TBX4: variants seen among roughly 807,000 people sequenced by gnomAD.
The protein encoded by TBX4 is T-box transcription factor 4, also known as T-box transcription factor TBX4.
TBX4 carries 13 observed loss-of-function variants against 54.6 expected under a neutral mutation model. The ratio of observed to expected loss-of-function variants is 0.24; its 90% CI spans 0.15 to 0.38. The LOEUF (loss-of-function observed/expected upper bound fraction) is 0.38. Ranked by LOEUF, TBX4 falls within the 10% of genes least tolerant of loss-of-function variation. The pLI is 1.00. For missense variants in TBX4, 631 were observed against 728.5 expected (o/e 0.87, Z 1.54); for synonymous variants, 314 against 306.7 (o/e 1.02, Z -0.25).
At position 61,484,855 on chromosome 17, in the gene TBX4, G is replaced by T. The variant is rs1056618022; in HGVS notation, c.*1339G>T. ...AATGAACTTAATAAAAATAAACGTT[G>T]GAGGGGGTATTTGGAAAGACATCTA... is the stretch of plus-strand genomic sequence containing the variant. On this transcript the variant is annotated 3_prime_UTR_variant, in exon 9 of 9. Coordinates refer to ENST00000644296, the MANE Select transcript of TBX4 (RefSeq NM_001321120.2). The surrounding 1 kb of genome is among the most constrained non-coding windows in gnomAD (Gnocchi z 4.1). 1 of 147,716 alleles carries T rather than the reference G, an allele frequency of 6.8e-6. No individual in the cohort carries two copies. Among genetic ancestry groups the T allele is most frequent in the Admixed American group, 6.8e-5 (1 of 14,758 alleles). 9.2% of individuals were successfully genotyped at this position (147,716 alleles called of 1,614,324 possible). A position where few individuals can be genotyped will look rare whatever the true frequency, so the allele number is the denominator to read the frequency against.
chr17:61,456,933 G>A (rs2060454958), intron 2 of TBX4, among the ~76,000 whole-genome samples: 1 of 152,200 alleles, frequency 6.6e-6, no homozygotes, highest in Admixed American at 6.5e-5. Flanking sequence ...AGGGCGGTAA[G>A]AGAGAGGGAG....
At chr17:61,469,057 GCATCTTTGGGTGGC>G in intron 5 of TBX4, among the ~76,000 whole-genome samples, 1 of 152,348 alleles carries the variant, frequency 6.6e-6, no homozygotes, top group South Asian at 2.1e-4. Context: ...GTGGGGAGCT[GCATCTTTGGGTGGC>G]CATTTGTCCC....
Position 61,456,586 on chromosome 17 carries a change from C to T in TBX4, c.96C>T (p.Pro32=). The change falls in exon 2 of 9, where the codon CCC becomes CCT. Residue 32 remains proline, a synonymous_variant. Transcript: ENST00000644296. Reference sequence around the variant, plus strand: ...CCAGCGCAGCCAACGCCCCCGAGCCCGCGCTGGCAGCGCCGGGCCTCAGCG... The same window carrying T: ...CCAGCGCAGCCAACGCCCCCGAGCCTGCGCTGGCAGCGCCGGGCCTCAGCG... ...GEASAANAPE[P]ALAAPGLSGA... The T allele has an allele frequency of 6.5e-7, 1 of 1,532,614 alleles. No individual in the cohort carries two copies. The highest frequency in any genetic ancestry group is 8.8e-7 in the Non-Finnish European group (1 of 1,138,842). 94.9% of individuals were successfully genotyped at this position (1,532,614 alleles called of 1,614,324 possible).
chr17:61,471,037 G>T (rs1428070735), intron 5 of TBX4, among the ~76,000 whole-genome samples: 2 of 152,216 alleles, frequency 1.3e-5, no homozygotes, highest in African/African-American at 2.4e-5. Flanking sequence ...GATTTCTGAC[G>T]CAGTGAGTCC....
chr17:61,466,409 A>G (rs2060538003), intron 4 of TBX4, among the ~76,000 whole-genome samples: 1 of 152,208 alleles, frequency 6.6e-6, no homozygotes. Flanking sequence ...CCCTCCAGCC[A>G]TCCAGACGAA....
At position 61,461,934 on chromosome 17, in the gene TBX4, G is replaced by A. The variant is rs2060496899; in HGVS notation, c.282-3885G>A. ...ACCCTCCAGGTGGAGAGAATCTAGGGGTATCCCCTAGTCTCTGTCCCTTTC... is the reference window on the plus strand; with the variant it reads ...ACCCTCCAGGTGGAGAGAATCTAGGAGTATCCCCTAGTCTCTGTCCCTTTC... On this transcript the variant is annotated intron_variant, in intron 3 of 8. Coordinates refer to ENST00000644296, the MANE Select transcript of TBX4 (RefSeq NM_001321120.2). The surrounding 1 kb of genome is among the most constrained non-coding windows in gnomAD (Gnocchi z 5.1). Among the ~76,000 whole-genome samples, 1 of 151,982 alleles carries A rather than the reference G, an allele frequency of 6.6e-6. No homozygotes were observed. The highest frequency in any genetic ancestry group is 2.4e-5 in the African/African-American group (1 of 41,376).
chr17:61,471,120 G>A (rs1338724486), intron 5 of TBX4, among the ~76,000 whole-genome samples: 1 of 152,208 alleles, frequency 6.6e-6, no homozygotes, highest in Non-Finnish European at 1.5e-5. Context: ...AAAGTAGCAC[G>A]CATTAGTCCC....
chr17:61,453,395 T>C (rs1569030099), intron 1 of TBX4, among the ~76,000 whole-genome samples: 1 of 152,264 alleles, frequency 6.6e-6, no homozygotes, highest in East Asian at 1.9e-4. Flanking sequence ...ATACTATTAG[T>C]GGTAGTGATA....
intron 2 of TBX4, 53 bp downstream of exon 2, chr17:61,456,729 G>A: frequency 1.5e-6 from 2 of 1,297,180 alleles, no homozygotes; most frequent in South Asian, 1.9e-5. Context: ...TGTCTGCGGG[G>A]CCGCCTGTGT....
Position 61,483,715 on chromosome 17 carries a change from C to A in TBX4, c.*199C>A. 1 of 702,244 alleles carries A rather than the reference C, an allele frequency of 1.4e-6. No homozygotes were observed. The highest frequency in any genetic ancestry group is 2.3e-6 in the Non-Finnish European group (1 of 430,136). The allele number at this position is 702,244 out of a possible 1,614,324, so 43.5% of individuals were successfully genotyped here. A position where few individuals can be genotyped will look rare whatever the true frequency, so the allele number is the denominator to read the frequency against. ...TTCTGACATACAACTGAGGTCATGA[C>A]AAGGAAAAAAAACACCACATTTATC... is the stretch of plus-strand genomic sequence containing the variant. On this transcript the variant is annotated 3_prime_UTR_variant, in exon 9 of 9. Coordinates refer to ENST00000644296, the MANE Select transcript of TBX4 (RefSeq NM_001321120.2). This position sits in a 1 kb window ranked among gnomAD's most constrained non-coding sequence, Gnocchi z 6.6.
At position 61,484,973 on chromosome 17, in the gene TBX4, A is replaced by T. The variant is rs201283016; in HGVS notation, c.*1457A>T. The T allele has an allele frequency of 1.1e-4, 15 of 136,956 alleles. No homozygotes were observed. Among genetic ancestry groups the T allele is most frequent in the Non-Finnish European group, 2.1e-4 (13 of 62,868 alleles). 8.5% of individuals were successfully genotyped at this position (136,956 alleles called of 1,614,324 possible). A position where few individuals can be genotyped will look rare whatever the true frequency, so the allele number is the denominator to read the frequency against. ...ATATATATATATATATATATATATA[A>T]ACACACACACACTACAGATAAGGCT... On this transcript the variant is annotated 3_prime_UTR_variant, in exon 9 of 9. Coordinates refer to ENST00000644296, the MANE Select transcript of TBX4 (RefSeq NM_001321120.2). The surrounding 1 kb of genome is among the most constrained non-coding windows in gnomAD (Gnocchi z 4.1).
At position 61,480,690 on chromosome 17, in the gene TBX4, T is replaced by A. The variant is rs1427965439; in HGVS notation, c.1021+371T>A. Among the ~76,000 whole-genome samples, 1 of 143,712 alleles carries A rather than the reference T, an allele frequency of 7.0e-6. No individual in the cohort carries two copies. The highest frequency in any genetic ancestry group is 6.7e-5 in the Admixed American group (1 of 14,884). The allele number at this position is 143,712 out of a possible 152,430, so 94.3% of individuals were successfully genotyped here. ...ACTTCCCAGTCCAGAGGTTTTGGGA[T>A]TGGGGCTGTTGTTTGTCAAAGCAAC... On this transcript the variant is annotated intron_variant, in intron 8 of 8. Coordinates refer to ENST00000644296, the MANE Select transcript of TBX4 (RefSeq NM_001321120.2). This position sits in a 1 kb window ranked among gnomAD's most constrained non-coding sequence, Gnocchi z 6.2.
At chr17:61,482,305 G>C (rs1053880819) in intron 8 of TBX4, among the ~76,000 whole-genome samples, 1 of 152,192 alleles carries the variant, frequency 6.6e-6, no homozygotes, top group Non-Finnish European at 1.5e-5. Flanking sequence ...TCTTAATTTG[G>C]TAGACACTGT....
At chr17:61,471,255 A>C (rs1208133454) in intron 5 of TBX4, among the ~76,000 whole-genome samples, 1 of 152,208 alleles carries the variant, frequency 6.6e-6, no homozygotes, top group East Asian at 1.9e-4. Context: ...GAGCTGCGAG[A>C]TCCAAGCTCA....
In TBX4 at chr17:61,478,631, T is replaced by C. The variant is rs771949985; in HGVS notation, c.554T>C (p.Ile185Thr). ...CATGAGACCCTTCTCTTCCAGATCA[T>C]CCTCAACTCTATGCACAAGTACCAG... Reference protein sequence around the residue: ...NNHLDPFGHIILNSMHKYQPR... With the variant: ...NNHLDPFGHITLNSMHKYQPR... Residue 185 changes from isoleucine to threonine, a missense_variant, in exon 6 of 9, where the codon ATC (isoleucine) becomes ACC (threonine). Around this residue, in one of 3 missense-constraint regions of TBX4, gnomAD observed 154 missense variants for 238.6 expected, o/e 0.65. Coordinates refer to ENST00000644296, the MANE Select transcript of TBX4 (RefSeq NM_001321120.2). This position sits in a 1 kb window ranked among gnomAD's most constrained non-coding sequence, Gnocchi z 7.4. 6.2e-7 allele frequency: 1 copy of C among 1,614,154 alleles called. No homozygotes were observed. The highest frequency in any genetic ancestry group is 8.5e-7 in the Non-Finnish European group (1 of 1,180,012).
In TBX4 at chr17:61,484,972, A is replaced by ATATAT. The variant is rs1555884113; in HGVS notation, c.*1456_*1457insTATAT. The ATATAT allele has an allele frequency of 6.8e-6, 1 of 147,990 alleles. No individual in the cohort carries two copies. The highest frequency in any genetic ancestry group is 2.0e-4 in the East Asian group (1 of 5,114). The allele number at this position is 147,990 out of a possible 1,614,324, so 9.2% of individuals were successfully genotyped here. A position where few individuals can be genotyped will look rare whatever the true frequency, so the allele number is the denominator to read the frequency against. ...TATATATATATATATATATATATAT[A>ATATAT]AACACACACACACTACAGATAAGGC... On this transcript the variant is annotated 3_prime_UTR_variant, in exon 9 of 9. Coordinates refer to ENST00000644296, the MANE Select transcript of TBX4 (RefSeq NM_001321120.2). This position sits in a 1 kb window ranked among gnomAD's most constrained non-coding sequence, Gnocchi z 4.1.
At chr17:61,470,620 C>A (rs2060570014) in intron 5 of TBX4, among the ~76,000 whole-genome samples, 1 of 152,128 alleles carries the variant, frequency 6.6e-6, no homozygotes, top group Non-Finnish European at 1.5e-5. Context: ...TTCAGGAGGG[C>A]AGATTCAGAC....
chr17:61,456,313 G>C, intron 1 of TBX4, 175 bp from the exon 2 acceptor site: 1 of 775,522 alleles, frequency 1.3e-6, no homozygotes, highest in Non-Finnish European at 2.2e-6. Flanking sequence ...GGGAGGAGGC[G>C]AGGGACCTGC....
At chr17:61,470,095 C>T (rs898890498) in intron 5 of TBX4, among the ~76,000 whole-genome samples, 1 of 152,156 alleles carries the variant, frequency 6.6e-6, no homozygotes, top group Non-Finnish European at 1.5e-5. Context: ...TGGGCTCTCT[C>T]CTCGCGAAAG....
Sources: gnomAD v4.1 joint callset for allele counts (sites outside exome capture counted in the v4.1 genomes callset) on GRCh38, gnomAD v4.1.1 for gene constraint, gnomAD v4.1.1 regional missense constraint, Gnocchi (gnomAD v3.1) non-coding constraint, MANE v1.5 for transcripts, NCBI Gene and HGNC (gene_info 2026-07-23, HGNC 2026-07-21) for gene names.